Variants in GLT1D1 observed in about 807,000 individuals in gnomAD.
GLT1D1 encodes the protein glycosyltransferase 1 domain containing 1, also known as glycosyltransferase 1 domain-containing protein 1.
In GLT1D1, 21 loss-of-function variants were observed where a neutral mutation model predicts 28.7. The ratio of observed to expected loss-of-function variants is 0.73; its 90% CI spans 0.52 to 1.05. The LOEUF (loss-of-function observed/expected upper bound fraction) is 1.05. Among genes scored for constraint, GLT1D1 ranks in the 50% least tolerant of loss-of-function variants. GLT1D1 has a pLI of 0.00. For synonymous variants in GLT1D1, 147 were observed against 124.8 expected, an observed-to-expected ratio of 1.18 and a Z score of -1.19; for missense variants, 343 against 330.6, an observed-to-expected ratio of 1.04 and a Z score of -0.29.
intron 7 of GLT1D1, among the ~76,000 whole-genome samples, chr12:128,964,408 C>T (rs11060043): frequency 0.043 from 6,510 of 152,218 alleles, 156 homozygotes; most frequent in Middle Eastern, 0.088. Flanking sequence ...ACCAATCTTT[C>T]CATCCTCATG....
chr12:128,931,745 CG>C (rs1260474851), intron 4 of GLT1D1, among the ~76,000 whole-genome samples: 3 of 152,116 alleles, frequency 2.0e-5, no homozygotes, highest in Non-Finnish European at 4.4e-5. Context: ...CCTGCAGGGC[CG>C]GGAGCTGACT....
At chr12:128,912,060 C>G (rs1871594010) in intron 4 of GLT1D1, among the ~76,000 whole-genome samples, 1 of 152,144 alleles carries the variant, frequency 6.6e-6, no homozygotes, top group African/African-American at 2.4e-5. Context: ...CACCTCCACG[C>G]AGGGGCGGGA....
chr12:128,927,186 T>C, intron 4 of GLT1D1, 32 bp downstream of exon 8: 1 of 1,464,588 alleles, frequency 6.8e-7, no homozygotes, highest in Non-Finnish European at 9.2e-7. Context: ...ACTTATCTCA[T>C]CTCTGTTTTC....
chr12:128,967,569 C>G (rs957792754), intron 7 of GLT1D1, among the ~76,000 whole-genome samples: 1 of 152,212 alleles, frequency 6.6e-6, no homozygotes, highest in Non-Finnish European at 1.5e-5. Flanking sequence ...CAGCTTGCAG[C>G]GCTGTGCACT....
At chr12:128,972,105 T>G (rs184176658) in intron 7 of GLT1D1, among the ~76,000 whole-genome samples, 1 of 152,138 alleles carries the variant, frequency 6.6e-6, no homozygotes, top group Admixed American at 6.5e-5. Flanking sequence ...GCAGCGGAAC[T>G]GGGCTGCATG....
chr12:128,881,244 A>C (rs1413585667), intron 2 of GLT1D1, among the ~76,000 whole-genome samples: 1 of 116,084 alleles, frequency 8.6e-6, no homozygotes, highest in Non-Finnish European at 1.7e-5. Context: ...AAAAAAAAAA[A>C]CTATAGTCCA....
chr12:128,899,160 T>C, intron 3 of GLT1D1, 76 bp from the exon 4 acceptor site: 1 of 1,063,242 alleles, frequency 9.4e-7, no homozygotes, highest in Non-Finnish European at 1.5e-6. Context: ...TCATAATTTG[T>C]TCCAAAGAGC....
intron 7 of GLT1D1, among the ~76,000 whole-genome samples, chr12:128,958,586 CAA>C (rs1164628353): frequency 0.021 from 1,591 of 74,422 alleles, 19 homozygotes; most frequent in Middle Eastern, 0.12. Flanking sequence ...ATTAAAAAGA[CAA>C]AAAAAAAAAA....
chr12:128,934,198 CT>C (rs1228657723), intron 4 of GLT1D1, among the ~76,000 whole-genome samples: 175 of 73,424 alleles, frequency 2.4e-3, no homozygotes, highest in Middle Eastern at 7.6e-3. Context: ...AAGAGACAGT[CT>C]TTTTTTTTTT....
chr12:128,901,960 G>A (rs1308561401), intron 4 of GLT1D1, among the ~76,000 whole-genome samples: 1 of 151,702 alleles, frequency 6.6e-6, no homozygotes, highest in African/African-American at 2.4e-5. Context: ...GCCAGCATGA[G>A]GTTGTCAGTT....
chr12:128,968,089 C>T lies in GLT1D1; in HGVS notation c.639+10446C>T, dbSNP rs144059270. On this transcript the variant is annotated intron_variant, in intron 7 of 7. Transcript: ENST00000281703. ...TCAGCTCACTGCAAGCTCCGCCTCC[C>T]GGTTCACATCATTCTCCTGCCTCAG... is the stretch of plus-strand genomic sequence containing the variant. 3.2e-3 allele frequency among the ~76,000 whole-genome samples: 487 copies of T among 152,168 alleles called. 2 individuals are homozygous for T. The highest frequency in any genetic ancestry group is 0.011 in the African/African-American group (470 of 41,548).
At chr12:128,976,858 G>A (rs11608435) in intron 7 of GLT1D1, among the ~76,000 whole-genome samples, 11,742 of 152,052 alleles carry the variant, frequency 0.077, 526 homozygotes, top group South Asian at 0.15. Context: ...TTATAAAATG[G>A]GTACTGGCTG....
chr12:128,903,008 C>T (rs551367504), intron 4 of GLT1D1, among the ~76,000 whole-genome samples: 17 of 144,080 alleles, frequency 1.2e-4, no homozygotes, highest in African/African-American at 4.2e-4. Flanking sequence ...GGTGCCACTG[C>T]AAGACTCCGT....
intron 4 of GLT1D1, chr12:128,944,765 T>C (rs1875791754): frequency 2.0e-6 from 1 of 497,436 alleles, no homozygotes; most frequent in Non-Finnish European, 3.7e-6. Context: ...TTTCCCTTGG[T>C]CAATGAAAGC....
chr12:128,933,222 G>T (rs1446995113), intron 4 of GLT1D1, among the ~76,000 whole-genome samples: 1 of 152,254 alleles, frequency 6.6e-6, no homozygotes, highest in Admixed American at 6.5e-5. Context: ...CCAGTTTCTA[G>T]TTCCTCAGCC....
At chr12:128,978,788 TTGA>T (rs1435682835) in intron 7 of GLT1D1, among the ~76,000 whole-genome samples, 3 of 152,184 alleles carry the variant, frequency 2.0e-5, no homozygotes, top group Admixed American at 1.3e-4. Flanking sequence ...ATGGTATTTC[TTGA>T]TGATATGCTA....
chr12:128,863,224 G>A (rs554849931), intron 1 of GLT1D1, among the ~76,000 whole-genome samples: 1 of 152,266 alleles, frequency 6.6e-6, no homozygotes, highest in East Asian at 1.9e-4. Context: ...ATCGAACACC[G>A]ATAGACTGCT....
intron 4 of GLT1D1, among the ~76,000 whole-genome samples, chr12:128,919,675 A>G (rs1872455036): frequency 6.6e-6 from 1 of 152,242 alleles, no homozygotes; most frequent in Non-Finnish European, 1.5e-5. Flanking sequence ...CGATATTGAC[A>G]ATAGCTATTC....
At chr12:128,899,349 C>T (rs974153991) in intron 4 of GLT1D1, 62 bp downstream of exon 4, 15 of 1,373,478 alleles carry the variant, frequency 1.1e-5, no homozygotes, top group African/African-American at 4.3e-5. Flanking sequence ...ATTCGAGAAC[C>T]GAAAGGCAGC....
Sources: allele counts gnomAD v4.1 joint callset (sites outside exome capture counted in the v4.1 genomes callset), GRCh38; gene constraint gnomAD v4.1.1; transcripts MANE v1.5; gene names NCBI Gene and HGNC (gene_info 2026-07-23, HGNC 2026-07-21).